The following REXO5 variants were observed in gnomAD, a reference collection of about 807,000 sequenced individuals.
The protein encoded by REXO5 is RNA exonuclease 5.
Under a neutral mutation model 88.5 loss-of-function variants are expected in REXO5, and 48 were observed. The observed-to-expected ratio is 0.54, with a 90% CI of 0.43 to 0.69. The LOEUF (loss-of-function observed/expected upper bound fraction) is 0.69. Among genes scored for constraint, REXO5 ranks in the 30% least tolerant of loss-of-function variants. The pLI, the probability that REXO5 is intolerant of heterozygous loss-of-function variation, is 0.00. For missense variants in REXO5, 749 were observed against 912.2 expected, an observed-to-expected ratio of 0.82 and a Z score of 2.30; for synonymous variants, 311 against 336.5, an observed-to-expected ratio of 0.92 and a Z score of 0.83.
At chr16:20,810,907 C>T (rs2080988032) in intron 2 of REXO5, among the ~76,000 whole-genome samples, 1 of 152,156 alleles carries the variant, frequency 6.6e-6, no homozygotes, top group South Asian at 2.1e-4. Flanking sequence ...TGGCTGCCAC[C>T]ATCCCTCTCA....
At chr16:20,844,508 A>G in intron 16 of REXO5, 121 bp from the exon 17 acceptor site, 1 of 776,228 alleles carries the variant, frequency 1.3e-6, no homozygotes, top group South Asian at 1.9e-5. Flanking sequence ...AAAGAAAAGA[A>G]ACGGAAAATT....
Position 20,840,426 on chromosome 16 carries a change from T to A in REXO5, c.1584T>A (p.Phe528Leu), listed in dbSNP as rs2081508813. The change falls in exon 15 of 20, where the codon TTT becomes TTA. Residue 528 changes from phenylalanine (F) to leucine (L), a missense_variant. Phe to Leu is a conservative substitution (Grantham distance 22, BLOSUM62 0). Coordinates refer to ENST00000261377, the MANE Select transcript of REXO5 (RefSeq NM_030941.3). ...CTCTGAAGAGGCTGTTTAAAAGCTT[T>A]GGCCCAGTCCAGTCAATGACTTTTG... ...LRALKRLFKS[F>L]GPVQSMTFVL... The A allele has an allele frequency of 6.3e-7, 1 of 1,575,876 alleles. No individual in the cohort carries two copies. The highest frequency in any genetic ancestry group is 1.3e-5 in the African/African-American group (1 of 74,498).
rs1466637562 is a variant in REXO5 at position 20,840,335 on chromosome 16, G to A, written c.1493G>A (p.Arg498Lys). 27 of 1,542,942 alleles carry A rather than the reference G, an allele frequency of 1.7e-5. No homozygotes were observed. The highest frequency in any genetic ancestry group is 2.4e-5 in the Non-Finnish European group (27 of 1,132,610). Residue 498 changes from arginine to lysine, a missense_variant, in exon 15 of 20, where the codon AGG (arginine) becomes AAG (lysine). Physicochemically the swap from Arg to Lys is conservative, Grantham distance 26 (BLOSUM62 2). Transcript: ENST00000261377. ...VLTEEMNKRM[R>K]IKWTEISTVY... ...ATTCTGTTGTTTTTCCTACAGATGA[G>A]GATCAAGTGGACAGAGATATCAACT...
chr16:20,806,513 G>C (rs1432293545), upstream of REXO5: 1 of 1,540,406 alleles, frequency 6.5e-7, no homozygotes, highest in Non-Finnish European at 8.7e-7. Flanking sequence ...AGCCCGCGAG[G>C]CTGAGGGGCG....
At chr16:20,838,125 T>G (rs1299966512) in intron 13 of REXO5, among the ~76,000 whole-genome samples, 2 of 152,192 alleles carry the variant, frequency 1.3e-5, no homozygotes, top group Non-Finnish European at 2.9e-5. Context: ...CTAATTTTAC[T>G]GATTTGTTTT....
At position 20,845,044 on chromosome 16, in the gene REXO5, T is replaced by G. The variant is rs764426389; in HGVS notation, c.1937-10T>G. On this transcript the variant is annotated splice_polypyrimidine_tract_variant and intron_variant, in intron 17 of 19. Transcript: ENST00000261377. The stretch of plus-strand genomic sequence containing the variant: ...CCTTAATAACATAAGGTGGGGGTTC[T>G]TGCTTTCAGAATTCAAAAGTTTTGG... 3.7e-6 allele frequency: 6 copies of G among 1,611,292 alleles called. No individual in the cohort carries two copies. The African/African-American group carries it at 8.0e-5, about 22-fold the overall frequency.
chr16:20,836,190 G>A (rs1276811264), intron 13 of REXO5, among the ~76,000 whole-genome samples: 3 of 152,142 alleles, frequency 2.0e-5, no homozygotes, highest in Admixed American at 6.5e-5. Context: ...CATAGTTTAC[G>A]TTAGGGTTCT....
intron 16 of REXO5, 62 bp downstream of exon 16, chr16:20,844,088 G>C: frequency 1.0e-6 from 1 of 997,344 alleles, no homozygotes; most frequent in Non-Finnish European, 1.6e-6. Context: ...TGTATTTATA[G>C]TGCCCCAGGA....
intron 13 of REXO5, among the ~76,000 whole-genome samples, chr16:20,837,758 T>A (rs940279412): frequency 6.6e-6 from 1 of 152,130 alleles, no homozygotes; most frequent in African/African-American, 2.4e-5. Context: ...ATTCTCACTT[T>A]ATGTCTTGGC....
rs201395141 is a variant in REXO5 at position 20,821,791 on chromosome 16, A to G, written c.505A>G (p.Ile169Val). Residue 169 changes from isoleucine (I) to valine (V), a missense_variant, in exon 6 of 20, where the codon ATC becomes GTC. By Grantham distance (29) the Ile-to-Val change is conservative. Coordinates refer to ENST00000261377, the MANE Select transcript of REXO5 (RefSeq NM_030941.3). Reference protein sequence around the residue: ...GPLPSNAKAAINLQDDPIIQK... With the variant: ...GPLPSNAKAAVNLQDDPIIQK... ...TTTACCTTCTAATGCAAAAGCCGCC[A>G]TCAACCTTCAGGATGATCCCATCAT... The G allele has an allele frequency of 4.4e-6, 7 of 1,597,148 alleles. No homozygotes were observed. In the East Asian group the frequency reaches 6.7e-5, roughly 15 times the overall value.
intron 13 of REXO5, among the ~76,000 whole-genome samples, chr16:20,836,088 A>T (rs1340289085): frequency 6.6e-6 from 1 of 152,122 alleles, no homozygotes; most frequent in Non-Finnish European, 1.5e-5. Flanking sequence ...ACCCACCCAC[A>T]CAAACAACTT....
At chr16:20,818,593 C>T (rs1016146540) in intron 5 of REXO5, among the ~76,000 whole-genome samples, 3 of 152,170 alleles carry the variant, frequency 2.0e-5, no homozygotes, top group South Asian at 2.1e-4. Context: ...CTCTCAGCCT[C>T]CTGAGTAGCT....
rs559212956 is a variant in REXO5 at position 20,833,271 on chromosome 16, T to C, written c.1383+148T>C. On this transcript the variant is annotated intron_variant, in intron 13 of 19. Transcript: ENST00000261377. The stretch of plus-strand genomic sequence containing the variant: ...CTTGTGTCTCACATCTTGTATGGAG[T>C]ACCTAAGTCCTCATAGGGGCAGAAC... The C allele has an allele frequency of 1.4e-4, 111 of 788,802 alleles. No homozygotes were observed. In the African/African-American group the frequency reaches 1.9e-3, roughly 13 times the overall value. The allele number at this position is 788,802 out of a possible 1,614,324, so 48.9% of individuals were successfully genotyped here. A position where few individuals can be genotyped will look rare whatever the true frequency, so the allele number is the denominator to read the frequency against.
intron 13 of REXO5, among the ~76,000 whole-genome samples, chr16:20,838,622 A>G (rs2081475968): frequency 3.3e-5 from 5 of 151,964 alleles, no homozygotes; most frequent in South Asian, 4.2e-4. Context: ...CCTTGTCCCT[A>G]CTTCTTTTCA....
intron 2 of REXO5, among the ~76,000 whole-genome samples, chr16:20,807,755 A>C (rs1393138484): frequency 6.6e-6 from 1 of 150,444 alleles, no homozygotes; most frequent in Non-Finnish European, 1.5e-5. Flanking sequence ...AAAAAACAAA[A>C]AACAAAACAA....
In REXO5 at chr16:20,849,467, G is replaced by T; in HGVS notation, c.2312G>T (p.Gly771Val). The T allele has an allele frequency of 6.2e-7, 1 of 1,614,046 alleles. No homozygotes were observed. Among genetic ancestry groups the T allele is most frequent in the East Asian group, 2.2e-5 (1 of 44,884 alleles). Residue 771 changes from glycine (G) to valine (V), a missense_variant, in exon 20 of 20, where the codon GGC becomes GTC. Physicochemically the swap from Gly to Val is moderately radical, Grantham distance 109. Transcript: ENST00000261377. ...GAGGAAGAAGAAAGCGCTGGCCCAG[G>T]CCTGTGTTCGTGAGTCGGCCTGCCA... ...IKEEEESAGP[G>V]LCS
At chr16:20,811,972 C>G (rs2081005923) in intron 2 of REXO5, among the ~76,000 whole-genome samples, 1 of 152,086 alleles carries the variant, frequency 6.6e-6, no homozygotes, top group South Asian at 2.1e-4. Flanking sequence ...GATGATGGTC[C>G]AAGGCTATGG....
At chr16:20,829,146 TTC>T (rs1397239084) in intron 11 of REXO5, among the ~76,000 whole-genome samples, 1 of 152,186 alleles carries the variant, frequency 6.6e-6, no homozygotes, top group Non-Finnish European at 1.5e-5. Flanking sequence ...CTAGGGCAAT[TTC>T]TCTGAACAAC....
At chr16:20,847,575 A>G (rs1237629282) in intron 19 of REXO5, among the ~76,000 whole-genome samples, 1 of 152,130 alleles carries the variant, frequency 6.6e-6, no homozygotes, top group Non-Finnish European at 1.5e-5. Context: ...CATTAGGGAG[A>G]TGGTCTACCT....
Sources: gnomAD v4.1 joint callset for allele counts (sites outside exome capture counted in the v4.1 genomes callset) on GRCh38, gnomAD v4.1.1 for gene constraint, MANE v1.5 for transcripts, NCBI Gene and HGNC (gene_info 2026-07-23, HGNC 2026-07-21) for gene names.